Variants in KIAA0825 observed in about 807,000 individuals in gnomAD.
KIAA0825 encodes the protein KIAA0825.
KIAA0825 carries 119 observed loss-of-function variants against 147.6 expected under a neutral mutation model. The observed-to-expected ratio is 0.81, with a 90% CI of 0.69 to 0.94. The LOEUF is 0.94. Among genes scored for constraint, KIAA0825 ranks in the 40% least tolerant of loss-of-function variants. The pLI, the probability that KIAA0825 is intolerant of heterozygous loss-of-function variation, is 0.00. For synonymous variants in KIAA0825, 470 were observed against 518.1 expected, an observed-to-expected ratio of 0.91 and a Z score of 1.26; for missense variants, 1,381 against 1,472.7, an observed-to-expected ratio of 0.94 and a Z score of 1.02.
Position 94,524,008 on chromosome 5 carries a change from C to A in KIAA0825, c.222G>T (p.Trp74Cys). The A allele has an allele frequency of 1.2e-6, 2 of 1,609,080 alleles. No homozygotes were observed. Among genetic ancestry groups the A allele is most frequent in the Non-Finnish European group, 1.7e-6 (2 of 1,176,502 alleles). Residue 74 changes from tryptophan (W) to cysteine (C), a missense_variant, in exon 4 of 21, where the codon TGG becomes TGT. Coordinates refer to ENST00000682413, the MANE Select transcript of KIAA0825 (RefSeq NM_001145678.3). The stretch of plus-strand genomic sequence containing the variant: ...ATGTACTGTAATTATAGTTAGTTAG[C>A]CATTCAAAGCAGTCAGTTGTTGTTT... ...QLQTTTDCFE[W>C]LTNYNYSTSE...
intron 2 of KIAA0825, among the ~76,000 whole-genome samples, chr5:94,562,616 T>C (rs551863898): frequency 6.6e-6 from 1 of 152,360 alleles, no homozygotes; most frequent in South Asian, 2.1e-4. Flanking sequence ...AAAAGAAAGC[T>C]GTCCAGCTGG....
intron 20 of KIAA0825, among the ~76,000 whole-genome samples, chr5:94,187,513 G>A (rs1010883698): frequency 4.1e-5 from 6 of 147,938 alleles, no homozygotes; most frequent in South Asian, 2.2e-4. Context: ...TGCAAGCTCC[G>A]CCTCCCGGGT....
intron 18 of KIAA0825, among the ~76,000 whole-genome samples, chr5:94,390,482 G>A (rs1749751572): frequency 1.3e-5 from 2 of 152,222 alleles, no homozygotes; most frequent in African/African-American, 4.8e-5. Context: ...ACTGACAAGA[G>A]TGAATAGGTT....
chr5:94,470,812 G>T (rs1460193292), intron 9 of KIAA0825, among the ~76,000 whole-genome samples: 3 of 152,262 alleles, frequency 2.0e-5, no homozygotes, highest in Non-Finnish European at 2.9e-5. Flanking sequence ...GATTCTCGGG[G>T]TCACACAGGA....
intron 20 of KIAA0825, among the ~76,000 whole-genome samples, chr5:94,269,931 C>A (rs1365638743): frequency 6.6e-6 from 1 of 151,710 alleles, no homozygotes; most frequent in Non-Finnish European, 1.5e-5. Context: ...AAAGAAGACC[C>A]AAATAAATAC....
At chr5:94,201,715 T>A (rs1272573028) in intron 20 of KIAA0825, among the ~76,000 whole-genome samples, 8 of 151,674 alleles carry the variant, frequency 5.3e-5, no homozygotes, top group Admixed American at 5.3e-4. Flanking sequence ...CGCCCCACCA[T>A]GAAACTTATT....
chr5:94,556,332 G>C (rs1776542873), intron 2 of KIAA0825, among the ~76,000 whole-genome samples: 1 of 152,160 alleles, frequency 6.6e-6, no homozygotes. Context: ...CTCCCAAAGT[G>C]CTGGGATTAC....
At chr5:94,381,803 G>C (rs1267906235) in intron 20 of KIAA0825, among the ~76,000 whole-genome samples, 1 of 152,128 alleles carries the variant, frequency 6.6e-6, no homozygotes, top group Non-Finnish European at 1.5e-5. Flanking sequence ...CTGCTTTCCA[G>C]TCTCCATCAT....
At chr5:94,606,392 C>A (rs1187173240) in intron 1 of KIAA0825, among the ~76,000 whole-genome samples, 1 of 152,080 alleles carries the variant, frequency 6.6e-6, no homozygotes, top group Non-Finnish European at 1.5e-5. Context: ...CTTCACAGAA[C>A]TAGAACAAAT....
At chr5:94,400,419 C>G (rs1751224506) in intron 16 of KIAA0825, among the ~76,000 whole-genome samples, 1 of 152,066 alleles carries the variant, frequency 6.6e-6, no homozygotes, top group Non-Finnish European at 1.5e-5. Flanking sequence ...TGACTTCTTA[C>G]AGCACTTTGT....
intron 3 of KIAA0825, among the ~76,000 whole-genome samples, chr5:94,524,865 T>A (rs1269607289): frequency 6.6e-6 from 1 of 151,842 alleles, no homozygotes; most frequent in Non-Finnish European, 1.5e-5. Context: ...GCCATATGTA[T>A]CTGTTTTAAA....
In KIAA0825 at chr5:94,282,278, A is replaced by T. The variant is rs1028741711; in HGVS notation, c.3710+102090T>A. On this transcript the variant is annotated intron_variant, in intron 20 of 20. Coordinates refer to ENST00000682413, the MANE Select transcript of KIAA0825 (RefSeq NM_001145678.3). ...ACTTAATACAACATCAGTTCTCCCA[A>T]CCAAAATTCCAGGTGGATTTTTTTT... Among the ~76,000 whole-genome samples the T allele has an allele frequency of 3.9e-5, 6 of 152,210 alleles. No homozygotes were observed. In the East Asian group the frequency reaches 1.2e-3, roughly 29 times the overall value.
intron 15 of KIAA0825, among the ~76,000 whole-genome samples, chr5:94,407,454 T>C (rs1329067921): frequency 6.6e-6 from 1 of 152,182 alleles, no homozygotes; most frequent in East Asian, 1.9e-4. Context: ...CAAATTCCCA[T>C]CAACTGATGA....
At position 94,472,643 on chromosome 5, in the gene KIAA0825, G is replaced by C. The variant is rs190057300; in HGVS notation, c.1455+649C>G. ...CCTTTAGTCCCAGCTACTCGGGAGG[G>C]TGAGGCAGGAGAATGGCGTGAACCC... is the stretch of plus-strand genomic sequence containing the variant. On this transcript the variant is annotated intron_variant, in intron 8 of 20. Transcript: ENST00000682413. Among the ~76,000 whole-genome samples, 177 of 152,100 alleles carry C rather than the reference G, an allele frequency of 1.2e-3. 1 individual carries two copies. The highest frequency in any genetic ancestry group is 1.2e-3 in the African/African-American group (49 of 41,512).
At chr5:94,615,336 T>A (rs1436253333) in intron 1 of KIAA0825, among the ~76,000 whole-genome samples, 2 of 152,170 alleles carry the variant, frequency 1.3e-5, no homozygotes, top group Admixed American at 1.3e-4. Context: ...ATGAGAAACA[T>A]GATACCCAGA....
intron 4 of KIAA0825, among the ~76,000 whole-genome samples, chr5:94,522,246 C>T (rs1768355908): frequency 6.6e-6 from 1 of 151,666 alleles, no homozygotes; most frequent in African/African-American, 2.4e-5. Flanking sequence ...CACATTCTTT[C>T]TGCTACACTC....
intron 20 of KIAA0825, among the ~76,000 whole-genome samples, chr5:94,327,839 C>A (rs1049637366): frequency 1.3e-5 from 2 of 152,014 alleles, no homozygotes; most frequent in African/African-American, 4.8e-5. Flanking sequence ...AACCCCGTCT[C>A]TACTAAGAAT....
chr5:94,455,464 G>T (rs1030927804), intron 12 of KIAA0825, among the ~76,000 whole-genome samples: 2 of 152,080 alleles, frequency 1.3e-5, no homozygotes, highest in Non-Finnish European at 2.9e-5. Flanking sequence ...CTGAGTGAGT[G>T]GTAGGTATAA....
At chr5:94,472,151 T>A (rs979538586) in intron 8 of KIAA0825, among the ~76,000 whole-genome samples, 1 of 152,230 alleles carries the variant, frequency 6.6e-6, no homozygotes, top group African/African-American at 2.4e-5. Flanking sequence ...AAAGGGTTTT[T>A]AAAAATTAAA....
Sources: gnomAD v4.1 joint callset for allele counts (sites outside exome capture counted in the v4.1 genomes callset) on GRCh38, gnomAD v4.1.1 for gene constraint, MANE v1.5 for transcripts, NCBI Gene and HGNC (gene_info 2026-07-23, HGNC 2026-07-21) for gene names.